SYT1: variants seen among roughly 807,000 people sequenced by gnomAD.
The protein encoded by SYT1 is synaptotagmin-1.
In SYT1, 8 loss-of-function variants were observed where a neutral mutation model predicts 44.8. The ratio of observed to expected loss-of-function variants is 0.18; its 90% CI spans 0.10 to 0.32. The LOEUF (loss-of-function observed/expected upper bound fraction) is 0.32, where lower values mean the gene tolerates loss of function less well. SYT1 is among the 10% of genes least tolerant of loss of function. The pLI, the probability that SYT1 is intolerant of heterozygous loss-of-function variation, is 1.00. For synonymous variants in SYT1, 154 were observed against 188.8 expected (o/e 0.82, Z 1.51); for missense variants, 286 against 509.3 (o/e 0.56, Z 4.22).
At chr12:79,077,103 C>T (rs1446030315) in intron 3 of SYT1, among the ~76,000 whole-genome samples, 1 of 152,088 alleles carries the variant, frequency 6.6e-6, no homozygotes. Context: ...GCATTAACCA[C>T]CATGAATTTT....
At chr12:79,081,585 G>A (rs572020811) in intron 3 of SYT1, among the ~76,000 whole-genome samples, 5 of 152,046 alleles carry the variant, frequency 3.3e-5, no homozygotes, top group Admixed American at 2.6e-4. Context: ...CATCATGTTG[G>A]CCAGTCTAGT....
At chr12:79,398,456 G>C (rs755276137) in intron 9 of SYT1, among the ~76,000 whole-genome samples, 4 of 151,862 alleles carry the variant, frequency 2.6e-5, no homozygotes, top group Admixed American at 6.6e-5. Context: ...TATTATATGG[G>C]GCCCATGTGT....
intron 3 of SYT1, among the ~76,000 whole-genome samples, chr12:79,108,871 A>G (rs1878860515): frequency 6.6e-6 from 1 of 152,206 alleles, no homozygotes; most frequent in Non-Finnish European, 1.5e-5. Flanking sequence ...CTTGAAATGG[A>G]AATACACAAT....
chr12:79,201,475 A>G (rs987954559), intron 3 of SYT1, among the ~76,000 whole-genome samples: 4 of 152,154 alleles, frequency 2.6e-5, no homozygotes, highest in African/African-American at 9.7e-5. Flanking sequence ...AGGGACGCAA[A>G]AAGTTAGCCA....
chr12:79,183,315 A>G (rs973266921), intron 3 of SYT1, among the ~76,000 whole-genome samples: 1 of 152,054 alleles, frequency 6.6e-6, no homozygotes, highest in African/African-American at 2.4e-5. Context: ...TTGCGCAGAC[A>G]GGAAGATATT....
chr12:79,075,580 G>A (rs1876585298), intron 3 of SYT1, among the ~76,000 whole-genome samples: 1 of 152,148 alleles, frequency 6.6e-6, no homozygotes, highest in Non-Finnish European at 1.5e-5. Context: ...CTAACATTTA[G>A]ACTATCAGTT....
intron 8 of SYT1, among the ~76,000 whole-genome samples, chr12:79,304,448 A>T (rs1186603285): frequency 6.6e-6 from 1 of 152,170 alleles, no homozygotes; most frequent in African/African-American, 2.4e-5. Context: ...GGCAGTACAG[A>T]TGCTTAGCAA....
intron 4 of SYT1, among the ~76,000 whole-genome samples, chr12:79,268,407 T>A (rs1878245368): frequency 1.3e-5 from 2 of 152,312 alleles, no homozygotes; most frequent in South Asian, 4.1e-4. Context: ...GGAATTAAGA[T>A]GATATGTGGT....
intron 1 of SYT1, among the ~76,000 whole-genome samples, chr12:78,968,739 G>A (rs1018496680): frequency 1.2e-4 from 18 of 152,120 alleles, no homozygotes; most frequent in Non-Finnish European, 8.8e-5. Context: ...AGACTTTAGA[G>A]GGACCATGCC....
At chr12:79,080,240 A>G (rs576993466) in intron 3 of SYT1, among the ~76,000 whole-genome samples, 5 of 152,262 alleles carry the variant, frequency 3.3e-5, no homozygotes, top group South Asian at 2.1e-4. Flanking sequence ...GTGTATTTGG[A>G]CAAGAAAGAA....
intron 1 of SYT1, among the ~76,000 whole-genome samples, chr12:78,874,215 G>T (rs1310848354): frequency 6.6e-6 from 1 of 151,466 alleles, no homozygotes; most frequent in Admixed American, 6.6e-5. Context: ...ACTTCCCAGG[G>T]TCACATTATG....
chr12:79,235,186 T>C (rs1490430579), intron 4 of SYT1, among the ~76,000 whole-genome samples: 1 of 152,222 alleles, frequency 6.6e-6, no homozygotes, highest in African/African-American at 2.4e-5. Context: ...CAATCTGTTT[T>C]CTAAAGTGGT....
intron 1 of SYT1, among the ~76,000 whole-genome samples, chr12:78,971,813 G>A (rs1020057402): frequency 2.0e-5 from 3 of 152,070 alleles, no homozygotes; most frequent in Non-Finnish European, 4.4e-5. Context: ...AGATATGAAT[G>A]ATACTTCAAC....
intron 1 of SYT1, among the ~76,000 whole-genome samples, chr12:78,968,095 AT>A (rs1868290973): frequency 6.6e-6 from 1 of 152,188 alleles, no homozygotes; most frequent in African/African-American, 2.4e-5. Context: ...AAAATTTACT[AT>A]GAAAATTTAA....
At chr12:79,080,927 C>T (rs1876989694) in intron 3 of SYT1, among the ~76,000 whole-genome samples, 1 of 152,030 alleles carries the variant, frequency 6.6e-6, no homozygotes, top group South Asian at 2.1e-4. Flanking sequence ...TGTCTACAGC[C>T]AAGACATGGG....
chr12:79,259,455 C>T lies in SYT1; in HGVS notation c.167-26332C>T, dbSNP rs533636574. 2.6e-5 allele frequency among the ~76,000 whole-genome samples: 4 copies of T among 152,174 alleles called. No individual in the cohort carries two copies. In the East Asian group the frequency reaches 5.8e-4, roughly 22 times the overall value. Reference sequence around the variant, plus strand: ...AGATAATGACAAAAGAAAAGAAGGCCGGATGTGGTGGCTCATGCCTATAAT... The same window carrying T: ...AGATAATGACAAAAGAAAAGAAGGCTGGATGTGGTGGCTCATGCCTATAAT... On this transcript the variant is annotated intron_variant, in intron 4 of 10. Coordinates refer to ENST00000261205, the MANE Select transcript of SYT1 (RefSeq NM_005639.3).
At chr12:78,962,471 T>C (rs1025468312) in intron 1 of SYT1, among the ~76,000 whole-genome samples, 1 of 151,870 alleles carries the variant, frequency 6.6e-6, no homozygotes, top group Non-Finnish European at 1.5e-5. Flanking sequence ...ACTAGAAAAC[T>C]ATCTCAATGT....
chr12:79,060,808 A>G (rs1444637782), intron 3 of SYT1, among the ~76,000 whole-genome samples: 1 of 152,112 alleles, frequency 6.6e-6, no homozygotes. Flanking sequence ...CAATGAGTTC[A>G]TGATTTTTAG....
intron 1 of SYT1, among the ~76,000 whole-genome samples, chr12:78,937,557 GATAA>G (rs1390294095): frequency 6.6e-6 from 1 of 151,956 alleles, no homozygotes; most frequent in Non-Finnish European, 1.5e-5. Context: ...ATATTACAAA[GATAA>G]ATAAATTCAA....
Sources: gnomAD v4.1 joint callset for allele counts (sites outside exome capture counted in the v4.1 genomes callset) on GRCh38, gnomAD v4.1.1 for gene constraint, MANE v1.5 for transcripts, NCBI Gene and HGNC (gene_info 2026-07-23, HGNC 2026-07-21) for gene names.